Variants in PLEKHM3 observed in about 807,000 individuals in gnomAD.
PLEKHM3 encodes pleckstrin homology domain-containing family M member 3.
PLEKHM3 carries 45 observed loss-of-function variants against 81.8 expected under a neutral mutation model. The ratio of observed to expected loss-of-function variants is 0.55; its 90% CI spans 0.43 to 0.71. The LOEUF (loss-of-function observed/expected upper bound fraction) is 0.71. Ranked by LOEUF, PLEKHM3 falls within the 30% of genes least tolerant of loss-of-function variation. The pLI, the probability that PLEKHM3 is intolerant of heterozygous loss-of-function variation, is 0.00. For missense variants in PLEKHM3, 788 were observed against 924.3 expected, an observed-to-expected ratio of 0.85 and a Z score of 1.91; for synonymous variants, 352 against 356.4, an observed-to-expected ratio of 0.99 and a Z score of 0.14.
intron 3 of PLEKHM3, among the ~76,000 whole-genome samples, chr2:207,967,648 G>C (rs1690964250): frequency 6.6e-6 from 1 of 152,218 alleles, no homozygotes; most frequent in East Asian, 1.9e-4. Context: ...AGTTATAGCG[G>C]CTTTTGCCAT....
At chr2:207,870,818 G>A (rs11902163) in intron 6 of PLEKHM3, among the ~76,000 whole-genome samples, 52,536 of 152,096 alleles carry the variant, frequency 0.35, 9,879 homozygotes, top group African/African-American at 0.51. Flanking sequence ...AATAGAAAAT[G>A]AAAAGTAAGC....
chr2:208,017,431 A>G (rs1692958894), intron 1 of PLEKHM3, among the ~76,000 whole-genome samples: 1 of 152,182 alleles, frequency 6.6e-6, no homozygotes, highest in African/African-American at 2.4e-5. Flanking sequence ...AATCTACTCA[A>G]GGTTCCTCCA....
In PLEKHM3 at chr2:208,001,832, T is replaced by C. The variant is rs1318993889; in HGVS notation, c.-193A>G. 5 of 818,490 alleles carry C rather than the reference T, an allele frequency of 6.1e-6. No homozygotes were observed. Among genetic ancestry groups the C allele is most frequent in the Non-Finnish European group, 7.4e-6 (4 of 538,660 alleles). The allele number at this position is 818,490 out of a possible 1,614,324, so 50.7% of individuals were successfully genotyped here. A position where few individuals can be genotyped will look rare whatever the true frequency, so the allele number is the denominator to read the frequency against. ...CCTGGTAATTAAAAGCATTTGCTAG[T>C]GGCTAATGGGCATTAACAGATGTAT... On this transcript the variant is annotated 5_prime_UTR_variant, in exon 2 of 8. Coordinates refer to ENST00000427836, the MANE Select transcript of PLEKHM3 (RefSeq NM_001080475.3).
intron 7 of PLEKHM3, among the ~76,000 whole-genome samples, chr2:207,829,245 T>C (rs1275228774): frequency 4.6e-5 from 7 of 152,170 alleles, no homozygotes; most frequent in Non-Finnish European, 7.3e-5. Context: ...CACGGGAGTC[T>C]AAATAACTTG....
intron 3 of PLEKHM3, among the ~76,000 whole-genome samples, chr2:207,972,773 AT>A (rs1446486714): frequency 6.6e-6 from 1 of 152,102 alleles, no homozygotes; most frequent in Non-Finnish European, 1.5e-5. Context: ...AACCTCAGGC[AT>A]TTTTGCATAA....
intron 5 of PLEKHM3, among the ~76,000 whole-genome samples, chr2:207,917,206 T>G (rs531733663): frequency 6.6e-6 from 1 of 152,356 alleles, no homozygotes; most frequent in African/African-American, 2.4e-5. Context: ...AGCTAATCTG[T>G]TAAGGCTAAA....
intron 7 of PLEKHM3, among the ~76,000 whole-genome samples, chr2:207,836,318 T>TAAAAAAAAAAAAAAA (rs34489704): frequency 7.6e-6 from 1 of 131,856 alleles, no homozygotes. Context: ...AGAGAGAGTC[T>TAAAAAAAAAAAAAAA]AAAAAAAAAA....
At chr2:207,854,221 C>A (rs902007982) in intron 7 of PLEKHM3, among the ~76,000 whole-genome samples, 5 of 152,140 alleles carry the variant, frequency 3.3e-5, no homozygotes, top group Admixed American at 1.3e-4. Flanking sequence ...TCACTAAATA[C>A]CTTATTTCTA....
intron 6 of PLEKHM3, among the ~76,000 whole-genome samples, chr2:207,863,647 T>C (rs561437353): frequency 6.6e-6 from 1 of 152,274 alleles, no homozygotes; most frequent in East Asian, 1.9e-4. Flanking sequence ...TCTCAGTTAA[T>C]GGGTGTCGAG....
chr2:208,007,679 A>T (rs1054532714), intron 1 of PLEKHM3, among the ~76,000 whole-genome samples: 1 of 152,196 alleles, frequency 6.6e-6, no homozygotes, highest in African/African-American at 2.4e-5. Context: ...GCACTTTGGG[A>T]GGCTGAGGCA....
chr2:207,984,719 A>G lies in PLEKHM3; in HGVS notation c.611-7133T>C, dbSNP rs957873827. Reference sequence around the variant, plus strand: ...ATACATAGTTTGTTTGAATGAGTTCATATGTTGATTTTGTTGACATGTCTT... The same window carrying G: ...ATACATAGTTTGTTTGAATGAGTTCGTATGTTGATTTTGTTGACATGTCTT... On this transcript the variant is annotated intron_variant, in intron 2 of 7. Coordinates refer to ENST00000427836, the MANE Select transcript of PLEKHM3 (RefSeq NM_001080475.3). Among the ~76,000 whole-genome samples, 5 of 152,318 alleles carry G rather than the reference A, an allele frequency of 3.3e-5. No individual in the cohort carries two copies. In the East Asian group the frequency reaches 9.6e-4, roughly 29 times the overall value.
At chr2:207,915,008 A>G (rs1574401622) in intron 5 of PLEKHM3, among the ~76,000 whole-genome samples, 1 of 152,334 alleles carries the variant, frequency 6.6e-6, no homozygotes, top group Non-Finnish European at 1.5e-5. Context: ...TCGCCCATCA[A>G]AGGAAACGAT....
intron 6 of PLEKHM3, among the ~76,000 whole-genome samples, chr2:207,882,466 G>A (rs1480150789): frequency 6.6e-6 from 1 of 152,010 alleles, no homozygotes; most frequent in Non-Finnish European, 1.5e-5. Context: ...ACAAAAATTA[G>A]CCGGGCATGG....
chr2:207,978,782 C>A (rs995317163), intron 2 of PLEKHM3, among the ~76,000 whole-genome samples: 1 of 152,246 alleles, frequency 6.6e-6, no homozygotes, highest in African/African-American at 2.4e-5. Context: ...CTCGCCTACA[C>A]ACATGCATGC....
chr2:207,871,608 T>C (rs992081408), intron 6 of PLEKHM3, among the ~76,000 whole-genome samples: 2 of 152,202 alleles, frequency 1.3e-5, no homozygotes, highest in Non-Finnish European at 2.9e-5. Flanking sequence ...AGAAGGCACA[T>C]TTCTTATCCA....
At chr2:207,961,595 A>T (rs572840740) in intron 3 of PLEKHM3, among the ~76,000 whole-genome samples, 2 of 152,266 alleles carry the variant, frequency 1.3e-5, no homozygotes, top group African/African-American at 4.8e-5. Flanking sequence ...TAAGAAAGAA[A>T]CACCTTCTAT....
At chr2:207,965,286 T>C (rs1180459291) in intron 3 of PLEKHM3, among the ~76,000 whole-genome samples, 1 of 151,648 alleles carries the variant, frequency 6.6e-6, no homozygotes, top group Non-Finnish European at 1.5e-5. Context: ...ACGCCGGAAA[T>C]GAACACATGA....
chr2:207,850,212 C>T (rs1404094268), intron 7 of PLEKHM3, among the ~76,000 whole-genome samples: 1 of 152,214 alleles, frequency 6.6e-6, no homozygotes, highest in African/African-American at 2.4e-5. Flanking sequence ...CACCTCCCTA[C>T]ACCTCTACGC....
intron 1 of PLEKHM3, among the ~76,000 whole-genome samples, chr2:208,005,645 C>A (rs1033270595): frequency 2.0e-5 from 3 of 152,074 alleles, no homozygotes; most frequent in Non-Finnish European, 4.4e-5. Flanking sequence ...CTTGAGGTAC[C>A]CTTTTTCCTT....
Sources: gnomAD v4.1 joint callset for allele counts (sites outside exome capture counted in the v4.1 genomes callset) on GRCh38, gnomAD v4.1.1 for gene constraint, MANE v1.5 for transcripts, NCBI Gene and HGNC (gene_info 2026-07-23, HGNC 2026-07-21) for gene names.